CEP128: variants seen among roughly 807,000 people sequenced by gnomAD.
CEP128 encodes the protein centrosomal protein 128.
A neutral mutation model predicts 156.7 loss-of-function variants in CEP128; 132 were observed. That is an observed-to-expected ratio of 0.84 (90% CI 0.73 to 0.97). The LOEUF (loss-of-function observed/expected upper bound fraction) is 0.97. Among genes scored for constraint, CEP128 ranks in the 50% least tolerant of loss-of-function variants. The pLI is 0.00. For synonymous variants in CEP128, 469 were observed against 448.9 expected (o/e 1.04, Z -0.57); for missense variants, 1,252 against 1,281.9 (o/e 0.98, Z 0.36).
At chr14:80,514,355 C>T (rs1339518632) in intron 23 of CEP128, among the ~76,000 whole-genome samples, 4 of 152,100 alleles carry the variant, frequency 2.6e-5, no homozygotes, top group African/African-American at 9.7e-5. Context: ...TTTACAAAGT[C>T]TGACTCTTTT....
chr14:80,804,015 T>C (rs916052604), intron 13 of CEP128, among the ~76,000 whole-genome samples: 1 of 152,052 alleles, frequency 6.6e-6, no homozygotes, highest in African/African-American at 2.4e-5. Flanking sequence ...TATTTACATA[T>C]ATATAAAACA....
rs117486813 is a variant in CEP128, at chr14:80,496,672, C to T, written c.*807G>A. 0.027 allele frequency: 4,146 copies of T among 152,168 alleles called. 80 individuals carry two copies. Among genetic ancestry groups the T allele is most frequent in the Middle Eastern group, 0.092 (27 of 294 alleles). The allele number at this position is 152,168 out of a possible 1,614,324, so 9.4% of individuals were successfully genotyped here. ...GTTGGGATGGTAGAAGCAGATAGGA[C>T]CAAATTATACAAGATTATATATAAA... is the stretch of plus-strand genomic sequence containing the variant. On this transcript the variant is annotated 3_prime_UTR_variant, in exon 25 of 25. Coordinates refer to ENST00000555265, the MANE Select transcript of CEP128 (RefSeq NM_152446.5).
chr14:80,874,470 C>CAA (rs201809950), intron 8 of CEP128, among the ~76,000 whole-genome samples: 1 of 129,232 alleles, frequency 7.7e-6, no homozygotes, highest in African/African-American at 2.8e-5. Flanking sequence ...TCTCTGTCTC[C>CAA]AAAAAAAAAA....
In CEP128 at chr14:80,741,310, T is replaced by C. The variant is rs142119755; in HGVS notation, c.2806+1765A>G. Among the ~76,000 whole-genome samples, 923 of 152,302 alleles carry C rather than the reference T, an allele frequency of 6.1e-3. 10 individuals are homozygous for C. The highest frequency in any genetic ancestry group is 0.021 in the African/African-American group (858 of 41,574). ...TTTTAGGTTTTAGTAAACCTGATAG[T>C]TTCAACATATTCTTATACCTAAATC... On this transcript the variant is annotated intron_variant, in intron 19 of 24. Transcript: ENST00000555265.
At chr14:80,711,614 T>C (rs1897411531) in intron 19 of CEP128, among the ~76,000 whole-genome samples, 1 of 151,956 alleles carries the variant, frequency 6.6e-6, no homozygotes, top group Non-Finnish European at 1.5e-5. Context: ...GGTACAAAAA[T>C]ATATATTTAG....
chr14:80,899,799 ACTGTT>A, intron 7 of CEP128, 134 bp downstream of exon 7: 2 of 566,158 alleles, frequency 3.5e-6, no homozygotes, highest in Non-Finnish European at 3.1e-6. Context: ...AGGGCTGTAA[ACTGTT>A]CTGTTAATAA....
chr14:80,894,780 C>G (rs1595559045), intron 8 of CEP128: 1 of 302,908 alleles, frequency 3.3e-6, no homozygotes. Context: ...TTTCAAATAC[C>G]CTATTTTCAA....
At chr14:80,923,638 G>A (rs755304010) in intron 2 of CEP128, among the ~76,000 whole-genome samples, 2 of 152,160 alleles carry the variant, frequency 1.3e-5, no homozygotes, top group African/African-American at 2.4e-5. Flanking sequence ...CCCTGCCCAA[G>A]GTAATCATCC....
chr14:80,810,796 T>C (rs1029988263), intron 13 of CEP128, among the ~76,000 whole-genome samples: 2 of 152,314 alleles, frequency 1.3e-5, no homozygotes, highest in Admixed American at 1.3e-4. Flanking sequence ...TTTCTATTTA[T>C]TTTAAGTTCT....
chr14:80,916,966 C>T (rs1394301536), intron 2 of CEP128, among the ~76,000 whole-genome samples: 3 of 152,156 alleles, frequency 2.0e-5, no homozygotes, highest in Non-Finnish European at 4.4e-5. Context: ...TAATATTCAT[C>T]CAATGTCCAT....
chr14:80,912,022 T>C (rs1884251716), intron 4 of CEP128, among the ~76,000 whole-genome samples: 1 of 152,022 alleles, frequency 6.6e-6, no homozygotes, highest in African/African-American at 2.4e-5. Context: ...ATCGAGACCA[T>C]CCCGACCAAC....
intron 19 of CEP128, among the ~76,000 whole-genome samples, chr14:80,621,918 GA>G (rs1262845213): frequency 6.6e-6 from 1 of 152,136 alleles, no homozygotes; most frequent in African/African-American, 2.4e-5. Flanking sequence ...AGCCCCAAGA[GA>G]ATGAAGGCTA....
chr14:80,822,794 T>C, intron 13 of CEP128: 1 of 751,726 alleles, frequency 1.3e-6, no homozygotes, highest in Non-Finnish European at 2.5e-6. Context: ...AGACGCCAAG[T>C]GAAGTGTGTG....
At chr14:80,709,257 GC>G (rs1168598562) in intron 19 of CEP128, among the ~76,000 whole-genome samples, 1 of 151,644 alleles carries the variant, frequency 6.6e-6, no homozygotes, top group African/African-American at 2.4e-5. Context: ...TCCTGTCTCA[GC>G]CTCCCGAGTA....
At chr14:80,659,704 C>G (rs1301437916) in intron 19 of CEP128, among the ~76,000 whole-genome samples, 1 of 152,160 alleles carries the variant, frequency 6.6e-6, no homozygotes, top group African/African-American at 2.4e-5. Context: ...TAGCAGAGGC[C>G]AGTACCAATC....
chr14:80,824,804 CT>C (rs1017820548), intron 13 of CEP128, among the ~76,000 whole-genome samples: 3 of 152,188 alleles, frequency 2.0e-5, no homozygotes, highest in Non-Finnish European at 2.9e-5. Flanking sequence ...ATTCCAACCC[CT>C]GCCTGTTACC....
intron 19 of CEP128, among the ~76,000 whole-genome samples, chr14:80,593,546 C>CAAAA (rs780221928): frequency 1.3e-5 from 1 of 77,842 alleles, no homozygotes; most frequent in African/African-American, 4.4e-5. Flanking sequence ...GACTCCATCT[C>CAAAA]AAAAAAAAAA....
At chr14:80,553,263 C>A (rs1890288299) in intron 21 of CEP128, among the ~76,000 whole-genome samples, 2 of 152,022 alleles carry the variant, frequency 1.3e-5, no homozygotes, top group South Asian at 2.1e-4. Flanking sequence ...AACCGACATG[C>A]CCTAGTGTGT....
chr14:80,749,757 T>C (rs1899293537), intron 18 of CEP128, among the ~76,000 whole-genome samples: 1 of 152,148 alleles, frequency 6.6e-6, no homozygotes, highest in African/African-American at 2.4e-5. Flanking sequence ...TTTAAATAAT[T>C]AAAAGAATAT....
Sources: gnomAD v4.1 joint callset for allele counts (sites outside exome capture counted in the v4.1 genomes callset) on GRCh38, gnomAD v4.1.1 for gene constraint, MANE v1.5 for transcripts, NCBI Gene and HGNC (gene_info 2026-07-23, HGNC 2026-07-21) for gene names.